HHAT: variants seen among roughly 807,000 people sequenced by gnomAD.
HHAT encodes the protein hedgehog acyltransferase, also known as protein-cysteine N-palmitoyltransferase HHAT.
A neutral mutation model predicts 70.8 loss-of-function variants in HHAT; 47 were observed. The observed-to-expected ratio is 0.66, with a 90% CI of 0.53 to 0.85. HHAT has a LOEUF of 0.85. Among genes scored for constraint, HHAT ranks in the 40% least tolerant of loss-of-function variants. HHAT has a pLI of 0.00. For missense variants in HHAT, 609 were observed against 604.8 expected (o/e 1.01, Z -0.07); for synonymous variants, 228 against 247.6 (o/e 0.92, Z 0.74).
At chr1:210,657,676 G>A (rs899711229) in intron 11 of HHAT, among the ~76,000 whole-genome samples, 3 of 152,226 alleles carry the variant, frequency 2.0e-5, no homozygotes, top group South Asian at 4.1e-4. Context: ...AGATGTTCAC[G>A]TAGTTTAGGC....
chr1:210,615,355 G>C (rs1254180052), intron 10 of HHAT, among the ~76,000 whole-genome samples: 2 of 152,040 alleles, frequency 1.3e-5, no homozygotes, highest in Non-Finnish European at 2.9e-5. Flanking sequence ...TTTTTTCAAT[G>C]TTTTTAACTT....
At chr1:210,592,594 A>T (rs1253460902) in intron 10 of HHAT, among the ~76,000 whole-genome samples, 1 of 151,740 alleles carries the variant, frequency 6.6e-6, no homozygotes, top group East Asian at 1.9e-4. Flanking sequence ...TTTGATAGAG[A>T]TTGCATTGAA....
rs566421609 is a variant in HHAT at position 210,393,085 on chromosome 1, C to G, written c.273+5504C>G. 2.0e-5 allele frequency among the ~76,000 whole-genome samples: 3 copies of G among 152,250 alleles called. No homozygotes were observed. In the South Asian group the frequency reaches 6.2e-4, roughly 32 times the overall value. On this transcript the variant is annotated intron_variant, in intron 4 of 11. Coordinates refer to ENST00000261458, the MANE Select transcript of HHAT (RefSeq NM_018194.6). ...CACTCTCAAGCTGTGTAACCTTAAA[C>G]AAGTTCCTGAATATCTCTAAGGCTG...
chr1:210,455,343 C>T (rs1045205351), intron 7 of HHAT, among the ~76,000 whole-genome samples: 6 of 152,162 alleles, frequency 3.9e-5, no homozygotes, highest in African/African-American at 1.2e-4. Context: ...CACAACACAC[C>T]GCACCCTCAT....
At chr1:210,422,379 T>C (rs527796627) in intron 7 of HHAT, among the ~76,000 whole-genome samples, 1 of 152,354 alleles carries the variant, frequency 6.6e-6, no homozygotes, top group East Asian at 1.9e-4. Context: ...CTACCTATTG[T>C]AATTTTGTAT....
intron 10 of HHAT, among the ~76,000 whole-genome samples, chr1:210,599,471 C>T (rs186357190): frequency 3.0e-4 from 45 of 152,246 alleles, no homozygotes; most frequent in African/African-American, 1.0e-3. Flanking sequence ...GACCCCCTGC[C>T]TCCCAGTAAT....
At chr1:210,357,736 C>T (rs1408058598) in intron 2 of HHAT, among the ~76,000 whole-genome samples, 1 of 152,168 alleles carries the variant, frequency 6.6e-6, no homozygotes, top group Non-Finnish European at 1.5e-5. Flanking sequence ...AGGAGAATGG[C>T]GTGAACCCGG....
intron 9 of HHAT, among the ~76,000 whole-genome samples, chr1:210,526,190 CG>C (rs1302840504): frequency 6.6e-6 from 1 of 152,046 alleles, no homozygotes; most frequent in Non-Finnish European, 1.5e-5. Context: ...GCACTGGAGA[CG>C]GGGAGCCCCT....
intron 8 of HHAT, among the ~76,000 whole-genome samples, chr1:210,467,341 C>T (rs908381991): frequency 6.6e-6 from 1 of 152,152 alleles, no homozygotes; most frequent in Non-Finnish European, 1.5e-5. Context: ...TTTGCAGATG[C>T]TCCTTTACTA....
At chr1:210,471,761 C>G (rs1440545016) in intron 8 of HHAT, among the ~76,000 whole-genome samples, 1 of 152,008 alleles carries the variant, frequency 6.6e-6, no homozygotes, top group Non-Finnish European at 1.5e-5. Context: ...AACATTAAGC[C>G]CATTAGATGT....
At chr1:210,429,660 G>A (rs74687291) in intron 7 of HHAT, among the ~76,000 whole-genome samples, 2,299 of 151,618 alleles carry the variant, frequency 0.015, 104 homozygotes, top group African/African-American at 0.053. Context: ...TGTGGGATGC[G>A]TATAATGTCA....
intron 4 of HHAT, among the ~76,000 whole-genome samples, chr1:210,392,921 C>T (rs1345938863): frequency 1.3e-5 from 2 of 152,162 alleles, no homozygotes; most frequent in Non-Finnish European, 1.5e-5. Flanking sequence ...TCGCACCTGA[C>T]ATTGGCAGAA....
intron 1 of HHAT, among the ~76,000 whole-genome samples, chr1:210,338,486 T>A (rs1438208439): frequency 6.6e-6 from 1 of 152,212 alleles, no homozygotes; most frequent in African/African-American, 2.4e-5. Flanking sequence ...AAAAAGCCTT[T>A]TTAAGCATAC....
chr1:210,599,947 C>G (rs2148817760), intron 10 of HHAT, among the ~76,000 whole-genome samples: 1 of 152,230 alleles, frequency 6.6e-6, no homozygotes, highest in South Asian at 2.1e-4. Flanking sequence ...TCATTACATA[C>G]CTGATCCCTC....
intron 9 of HHAT, among the ~76,000 whole-genome samples, chr1:210,537,020 A>C (rs982573838): frequency 2.0e-5 from 3 of 151,986 alleles, no homozygotes; most frequent in African/African-American, 7.3e-5. Flanking sequence ...CTGTACCTAA[A>C]AGAAGGTGTA....
intron 9 of HHAT, among the ~76,000 whole-genome samples, chr1:210,528,373 G>T (rs528753794): frequency 1.8e-4 from 27 of 152,310 alleles, no homozygotes; most frequent in Middle Eastern, 3.4e-3. Flanking sequence ...AAGAGTGATG[G>T]GCACAGTGAG....
rs188002571 is a variant in HHAT, at chr1:210,432,926, T to C, written c.856+14601T>C. Among the ~76,000 whole-genome samples, 37 of 151,942 alleles carry C rather than the reference T, an allele frequency of 2.4e-4. 1 individual carries two copies. Among genetic ancestry groups the C allele is most frequent in the Admixed American group, 2.4e-3 (37 of 15,292 alleles). ...GGCAGCCTCTGATTTCCTTCTGAACTAATACAGAGATACTGTAATTTTTTT... is the reference window on the plus strand; with the variant it reads ...GGCAGCCTCTGATTTCCTTCTGAACCAATACAGAGATACTGTAATTTTTTT... On this transcript the variant is annotated intron_variant, in intron 7 of 11. Transcript: ENST00000261458.
chr1:210,605,301 G>A (rs538484864), intron 10 of HHAT, among the ~76,000 whole-genome samples: 1 of 152,310 alleles, frequency 6.6e-6, no homozygotes, highest in Non-Finnish European at 1.5e-5. Flanking sequence ...GAGGGAGGGA[G>A]TCAAACCCAG....
chr1:210,329,152 A>T, intron 1 of HHAT, 48 bp downstream of exon 1: 1 of 1,268,844 alleles, frequency 7.9e-7, no homozygotes, highest in South Asian at 2.5e-5. Flanking sequence ...TAGATGCTGA[A>T]TTTTCTGCGT....
Sources: gnomAD v4.1 joint callset for allele counts (sites outside exome capture counted in the v4.1 genomes callset) on GRCh38, gnomAD v4.1.1 for gene constraint, MANE v1.5 for transcripts, NCBI Gene and HGNC (gene_info 2026-07-23, HGNC 2026-07-21) for gene names.